LOC400499: variants seen among roughly 807,000 people sequenced by gnomAD.
chr16:11,465,633 G>A, the LOC400499 span: 2 of 152,086 alleles, frequency 1.3e-5, no homozygotes, highest in Non-Finnish European at 2.9e-5. Context: ...AAATAGAAGG[G>A]CATGGTGGCA....
chr16:11,523,167 G>A, the LOC400499 span, among the ~76,000 whole-genome samples: 1 of 152,228 alleles, frequency 6.6e-6, no homozygotes, highest in African/African-American at 2.4e-5. Flanking sequence ...CCACAGGCAT[G>A]AAGAGGAAGC....
At chr16:11,501,505 C>T in the LOC400499 span, among the ~76,000 whole-genome samples, 6 of 152,058 alleles carry the variant, frequency 3.9e-5, no homozygotes, top group Non-Finnish European at 5.9e-5. Context: ...CACAAGTGTT[C>T]GCTACCAAGT....
At chr16:11,402,542 C>T in the LOC400499 span, among the ~76,000 whole-genome samples, 2 of 152,196 alleles carry the variant, frequency 1.3e-5, no homozygotes, top group Non-Finnish European at 2.9e-5. Context: ...CTCCCTTGAA[C>T]CCCTGTCCAG....
the LOC400499 span, among the ~76,000 whole-genome samples, chr16:11,377,161 G>A: frequency 6.6e-6 from 1 of 152,082 alleles, no homozygotes; most frequent in Non-Finnish European, 1.5e-5. Context: ...TTGACTGTTA[G>A]CATGTAGAAA....
the LOC400499 span, chr16:11,460,128 C>G: frequency 8.1e-7 from 1 of 1,232,346 alleles, no homozygotes; most frequent in Non-Finnish European, 1.0e-6. Flanking sequence ...TCATAGCCAC[C>G]CACTCCAGGG....
the LOC400499 span, among the ~76,000 whole-genome samples, chr16:11,384,558 CCTCCCCATGTCCTCAG>C: frequency 1.3e-5 from 2 of 152,158 alleles, no homozygotes; most frequent in African/African-American, 4.8e-5. Context: ...TCCCCCGTCC[CCTCCCCATGTCCTCAG>C]CTCAAGTGGC....
At chr16:11,498,836 G>A in the LOC400499 span, among the ~76,000 whole-genome samples, 1 of 151,186 alleles carries the variant, frequency 6.6e-6, no homozygotes, top group Non-Finnish European at 1.5e-5. Flanking sequence ...ACTTCCCTCC[G>A]CACACACCAT....
chr16:11,410,905 G>C, the LOC400499 span, among the ~76,000 whole-genome samples: 9 of 152,222 alleles, frequency 5.9e-5, no homozygotes, highest in African/African-American at 2.2e-4. Flanking sequence ...GGTGACGCTG[G>C]CTCAGCTCCA....
chr16:11,396,534 C>G, the LOC400499 span: 1 of 1,232,086 alleles, frequency 8.1e-7, no homozygotes, highest in African/African-American at 1.6e-5. Context: ...GAGAAGTCAG[C>G]TGAACGAGGC....
At chr16:11,457,428 C>A in the LOC400499 span, among the ~76,000 whole-genome samples, 3 of 151,766 alleles carry the variant, frequency 2.0e-5, no homozygotes, top group African/African-American at 7.3e-5. Flanking sequence ...CCCGTCTTTA[C>A]TAAAAATACA....
the LOC400499 span, among the ~76,000 whole-genome samples, chr16:11,400,767 C>A: frequency 1.3e-5 from 2 of 152,150 alleles, no homozygotes; most frequent in Non-Finnish European, 2.9e-5. Flanking sequence ...CAGTGCTTAT[C>A]ATATCACACC....
the LOC400499 span, among the ~76,000 whole-genome samples, chr16:11,437,465 G>A: frequency 2.2e-4 from 33 of 152,324 alleles, no homozygotes; most frequent in South Asian, 6.4e-3. Context: ...AGGCTGTGGT[G>A]AAAGGATGGC....
At chr16:11,460,408 G>A in the LOC400499 span, 1 of 1,442,154 alleles carries the variant, frequency 6.9e-7, no homozygotes, top group African/African-American at 1.4e-5. Flanking sequence ...ATGAGTTCAG[G>A]GTACTCAGAT....
At chr16:11,456,965 A>G in the LOC400499 span, 961 of 1,536,188 alleles carry the variant, frequency 6.3e-4, 9 homozygotes, top group African/African-American at 0.012. Context: ...TGCTCTCCAC[A>G]TAGGGCAGGC....
chr16:11,419,466 C>T, the LOC400499 span, among the ~76,000 whole-genome samples: 6 of 148,160 alleles, frequency 4.0e-5, no homozygotes, highest in Non-Finnish European at 8.9e-5. Flanking sequence ...GGATTAAAGA[C>T]TTAAACGTTA....
chr16:11,435,156 A>T, the LOC400499 span, among the ~76,000 whole-genome samples: 2 of 150,864 alleles, frequency 1.3e-5, no homozygotes, highest in Non-Finnish European at 3.0e-5. Flanking sequence ...TTTTTTAAAA[A>T]TTTTCTGTAC....
chr16:11,508,941 C>G, the LOC400499 span: 2 of 397,420 alleles, frequency 5.0e-6, no homozygotes, highest in African/African-American at 4.1e-5. Context: ...CCCCCACCCC[C>G]TCCAGTGCTT....
chr16:11,440,821 C>G, the LOC400499 span: 2 of 398,968 alleles, frequency 5.0e-6, no homozygotes, highest in East Asian at 3.6e-5. Flanking sequence ...CCCATCCAAG[C>G]TCAGGGCCTG....
At chr16:11,482,751 G>A in the LOC400499 span, among the ~76,000 whole-genome samples, 1 of 151,992 alleles carries the variant, frequency 6.6e-6, no homozygotes, top group South Asian at 2.1e-4. Flanking sequence ...AACTTAGCCA[G>A]GTGTGGCAGT....
Sources: allele counts gnomAD v4.1 joint callset (sites outside exome capture counted in the v4.1 genomes callset), GRCh38; gene constraint gnomAD v4.1.1; transcripts MANE v1.5.